The following SLC8A3 variants were observed in gnomAD, a reference collection of about 807,000 sequenced individuals.
SLC8A3 encodes solute carrier family 8 member A3.
SLC8A3 carries 37 observed loss-of-function variants against 65.4 expected under a neutral mutation model. That is an observed-to-expected ratio of 0.57 (90% CI 0.44 to 0.74). SLC8A3 has a LOEUF of 0.74. SLC8A3 is among the 30% of genes least tolerant of loss of function. The pLI is 0.00. For synonymous variants in SLC8A3, 461 were observed against 444.5 expected (o/e 1.04, Z -0.47); for missense variants, 1,112 against 1,172.1 (o/e 0.95, Z 0.75).
At chr14:70,153,805 C>A (rs1423156885) in intron 2 of SLC8A3, among the ~76,000 whole-genome samples, 1 of 152,234 alleles carries the variant, frequency 6.6e-6, no homozygotes, top group East Asian at 1.9e-4. Context: ...CTCATCTCAT[C>A]ACTGCCCCGT....
At chr14:70,123,946 G>A (rs1468805571) in intron 2 of SLC8A3, among the ~76,000 whole-genome samples, 3 of 151,958 alleles carry the variant, frequency 2.0e-5, no homozygotes, top group Admixed American at 1.3e-4. Context: ...CCCAGGCTCC[G>A]GTCCCCCAGG....
intron 2 of SLC8A3, among the ~76,000 whole-genome samples, chr14:70,135,363 A>G (rs78413685): frequency 0.013 from 1,926 of 152,364 alleles, 19 homozygotes; most frequent in South Asian, 0.027. Flanking sequence ...TAGAACTGCC[A>G]TATGATCTAG....
chr14:70,099,290 G>C (rs1376584338), intron 2 of SLC8A3, among the ~76,000 whole-genome samples: 1 of 152,196 alleles, frequency 6.6e-6, no homozygotes, highest in Non-Finnish European at 1.5e-5. Context: ...TTACATTCCA[G>C]AAGATTGTGA....
intron 3 of SLC8A3, among the ~76,000 whole-genome samples, chr14:70,055,404 T>A (rs1887988771): frequency 1.3e-5 from 2 of 152,096 alleles, no homozygotes; most frequent in Non-Finnish European, 2.9e-5. Flanking sequence ...TTTTTTCAAA[T>A]CCTGTCACAA....
At chr14:70,174,662 G>GTTTGT (rs1566833477) in intron 1 of SLC8A3, among the ~76,000 whole-genome samples, 1 of 66,512 alleles carries the variant, frequency 1.5e-5, no homozygotes, top group African/African-American at 5.1e-5. Flanking sequence ...TTTTTTTTTT[G>GTTTGT]TTTTTTTTTT....
At chr14:70,128,284 C>G (rs139775419) in intron 2 of SLC8A3, among the ~76,000 whole-genome samples, 65 of 152,292 alleles carry the variant, frequency 4.3e-4, no homozygotes, top group Non-Finnish European at 7.6e-4. Flanking sequence ...GCAAAACTAA[C>G]TTTTCTAGAA....
chr14:70,060,794 C>G (rs1260354337), intron 3 of SLC8A3, 42 bp downstream of exon 3: 1 of 1,066,084 alleles, frequency 9.4e-7, no homozygotes, highest in Admixed American at 1.8e-5. Context: ...TTTAATTTTT[C>G]TTTCTTTTTT....
At chr14:70,065,367 A>G (rs1180120659) in intron 2 of SLC8A3, among the ~76,000 whole-genome samples, 1 of 152,034 alleles carries the variant, frequency 6.6e-6, no homozygotes, top group Non-Finnish European at 1.5e-5. Context: ...ACCCCACCAC[A>G]TGAACTCCAA....
At position 70,046,150 on chromosome 14, in the gene SLC8A3, G is replaced by T; in HGVS notation, c.2563C>A (p.Leu855Met). ...GQEFHVSAGT[L>M]AFSVTLFTIF... ...GTGAAGAGGGTGACGGAGAAGGCCA[G>T]TGTGCCGGCCGACACGTGGAACTCC... The change falls in exon 7 of 7, where the codon CTG becomes ATG. Residue 855 changes from leucine to methionine, a missense_variant. Physicochemically the swap from Leu to Met is conservative, Grantham distance 15. Transcript: ENST00000356921. This position sits in a 1 kb window ranked among gnomAD's most constrained non-coding sequence, Gnocchi z 4.2. 2 of 1,614,210 alleles carry T rather than the reference G, an allele frequency of 1.2e-6. No homozygotes were observed. The highest frequency in any genetic ancestry group is 1.7e-6 in the Non-Finnish European group (2 of 1,180,016).
chr14:70,131,185 A>G (rs531037906), intron 2 of SLC8A3, among the ~76,000 whole-genome samples: 38 of 152,308 alleles, frequency 2.5e-4, no homozygotes, highest in Non-Finnish European at 4.4e-4. Flanking sequence ...AACACAGAAG[A>G]GAAGCCTTGG....
At chr14:70,139,204 G>A (rs958856882) in intron 2 of SLC8A3, among the ~76,000 whole-genome samples, 4 of 152,162 alleles carry the variant, frequency 2.6e-5, no homozygotes, top group African/African-American at 7.2e-5. Flanking sequence ...GGGTGCCTGA[G>A]TTGTTGACTA....
At chr14:70,095,036 T>G (rs1892068919) in intron 2 of SLC8A3, among the ~76,000 whole-genome samples, 2 of 152,234 alleles carry the variant, frequency 1.3e-5, no homozygotes, top group African/African-American at 4.8e-5. Flanking sequence ...CCTCTGAGCC[T>G]CCATTTGCTT....
intron 2 of SLC8A3, among the ~76,000 whole-genome samples, chr14:70,155,606 A>G (rs1257291832): frequency 1.3e-5 from 2 of 152,246 alleles, no homozygotes; most frequent in Non-Finnish European, 2.9e-5. Flanking sequence ...TTACATCTTT[A>G]AAAGTGGAAT....
intron 2 of SLC8A3, among the ~76,000 whole-genome samples, chr14:70,150,683 T>C (rs1257490379): frequency 6.6e-6 from 1 of 152,168 alleles, no homozygotes; most frequent in Non-Finnish European, 1.5e-5. Context: ...TGCCTCTCTT[T>C]GCAGAGGAAA....
intron 2 of SLC8A3, among the ~76,000 whole-genome samples, chr14:70,158,573 A>G (rs1229708725): frequency 6.6e-6 from 1 of 150,778 alleles, no homozygotes; most frequent in South Asian, 2.1e-4. Flanking sequence ...ACACTCCACA[A>G]ATAACTGCTT....
chr14:70,061,472 C>T (rs1888793357), intron 2 of SLC8A3, among the ~76,000 whole-genome samples: 1 of 150,554 alleles, frequency 6.6e-6, no homozygotes, highest in Admixed American at 6.6e-5. Flanking sequence ...TTGTGAGTTT[C>T]AGAAAGAAAA....
At chr14:70,054,519 G>T in intron 3 of SLC8A3, among the ~76,000 whole-genome samples, 1 of 151,368 alleles carries the variant, frequency 6.6e-6, no homozygotes, top group East Asian at 2.0e-4. Context: ...GTGAGGGGGG[G>T]CGGGTGGAGG....
chr14:70,115,199 T>C (rs753328543), intron 2 of SLC8A3, among the ~76,000 whole-genome samples: 196 of 152,306 alleles, frequency 1.3e-3, no homozygotes, highest in Non-Finnish European at 1.9e-3. Flanking sequence ...GAGTCAGGAC[T>C]AGACCCCAGC....
At chr14:70,142,211 T>C (rs4902782) in intron 2 of SLC8A3, among the ~76,000 whole-genome samples, 9,229 of 152,228 alleles carry the variant, frequency 0.061, 791 homozygotes, top group East Asian at 0.37. Context: ...AAAAGACAGG[T>C]TTCCAATCTC....
Sources: gnomAD v4.1 joint callset for allele counts (sites outside exome capture counted in the v4.1 genomes callset) on GRCh38, gnomAD v4.1.1 for gene constraint, Gnocchi (gnomAD v3.1) non-coding constraint, MANE v1.5 for transcripts, NCBI Gene and HGNC (gene_info 2026-07-23, HGNC 2026-07-21) for gene names.